Variants in ASAP1 observed in about 807,000 individuals in gnomAD.
ASAP1 encodes ArfGAP with SH3 domain, ankyrin repeat and PH domain 1.
Under a neutral mutation model 145.2 loss-of-function variants are expected in ASAP1, and 43 were observed. The observed-to-expected ratio is 0.30, with a 90% CI of 0.23 to 0.38. The LOEUF (loss-of-function observed/expected upper bound fraction) is 0.38, where lower values mean the gene tolerates loss of function less well. Among genes scored for constraint, ASAP1 ranks in the 10% least tolerant of loss-of-function variants. The pLI is 1.00. For missense variants in ASAP1, 1,018 were observed against 1,355.3 expected, an observed-to-expected ratio of 0.75 and a Z score of 3.91; for synonymous variants, 546 against 515.5, an observed-to-expected ratio of 1.06 and a Z score of -0.80.
At chr8:130,192,666 T>C (rs1815221682) in intron 5 of ASAP1, among the ~76,000 whole-genome samples, 1 of 152,186 alleles carries the variant, frequency 6.6e-6, no homozygotes, top group South Asian at 2.1e-4. Context: ...ATCCTTGCCT[T>C]ATTTTTCTTC....
intron 13 of ASAP1, among the ~76,000 whole-genome samples, chr8:130,144,110 G>GT (rs998705676): frequency 1.8e-4 from 27 of 152,136 alleles, no homozygotes; most frequent in African/African-American, 6.3e-4. Flanking sequence ...TCAATAAATA[G>GT]TTTTTTAGAC....
chr8:130,357,903 G>A (rs1826433558), intron 3 of ASAP1, 114 bp downstream of exon 3: 3 of 1,409,558 alleles, frequency 2.1e-6, no homozygotes, highest in African/African-American at 1.4e-5. Flanking sequence ...GCTCCCTGAG[G>A]GGGTGTGGCG....
chr8:130,331,099 T>C (rs1215696354), intron 3 of ASAP1, among the ~76,000 whole-genome samples: 4 of 152,006 alleles, frequency 2.6e-5, no homozygotes, highest in African/African-American at 7.3e-5. Context: ...AAAGAATAGA[T>C]AGGATATAAA....
chr8:130,322,945 A>G (rs1357081340), intron 3 of ASAP1, among the ~76,000 whole-genome samples: 1 of 152,218 alleles, frequency 6.6e-6, no homozygotes, highest in Non-Finnish European at 1.5e-5. Context: ...CAAAACACCC[A>G]TAGGACCAGT....
intron 2 of ASAP1, among the ~76,000 whole-genome samples, chr8:130,368,453 G>C (rs1289197830): frequency 6.6e-6 from 1 of 152,118 alleles, no homozygotes; most frequent in Non-Finnish European, 1.5e-5. Flanking sequence ...CCTTCTTGTA[G>C]GAACTACTCC....
chr8:130,250,737 CT>C (rs1223512424), intron 3 of ASAP1, among the ~76,000 whole-genome samples: 1 of 151,572 alleles, frequency 6.6e-6, no homozygotes, highest in Non-Finnish European at 1.5e-5. Flanking sequence ...AGAATTGCTT[CT>C]CATAAAAAAA....
intron 9 of ASAP1, among the ~76,000 whole-genome samples, chr8:130,173,890 A>T (rs1473570622): frequency 6.6e-6 from 1 of 151,642 alleles, no homozygotes; most frequent in Non-Finnish European, 1.5e-5. Flanking sequence ...CTGGGCAACA[A>T]GGTAAAACCT....
intron 22 of ASAP1, 78 bp from the exon 23 acceptor site, chr8:130,115,813 C>T: frequency 9.6e-7 from 1 of 1,043,176 alleles, no homozygotes. Flanking sequence ...CTGAGCAAAT[C>T]CCACCTTATT....
Position 130,054,755 on chromosome 8 carries a change from G to T in ASAP1, c.3366C>A (p.Ser1122=), listed in dbSNP as rs748831155. 1.9e-6 allele frequency: 3 copies of T among 1,613,554 alleles called. No homozygotes were observed. The Admixed American group carries it at 5.0e-5, about 27-fold the overall frequency. The change falls in exon 30 of 30, where the codon TCC becomes TCA. Residue 1122 remains serine (S), a synonymous_variant. Coordinates refer to ENST00000518721, the MANE Select transcript of ASAP1 (RefSeq NM_018482.4). ...QPERKGVFPV[S]FVHILSD ...GCTAGTCAGACAGGATATGAACAAA[G>T]GACACTGGAAAGACCCCCTTCCTTT...
At chr8:130,411,078 T>C (rs952361219) in intron 1 of ASAP1, among the ~76,000 whole-genome samples, 4 of 152,180 alleles carry the variant, frequency 2.6e-5, no homozygotes, top group Non-Finnish European at 4.4e-5. Flanking sequence ...CCCAGGCTGG[T>C]CTCGAACTCC....
At chr8:130,355,765 T>A (rs6999216) in intron 3 of ASAP1, among the ~76,000 whole-genome samples, 122,232 of 152,158 alleles carry the variant, frequency 0.8, 49,522 homozygotes, top group African/African-American at 0.9. Context: ...GTGGCTATCC[T>A]TCAGTAAAAA....
chr8:130,206,688 C>T (rs118054603), intron 5 of ASAP1, among the ~76,000 whole-genome samples: 2,590 of 152,276 alleles, frequency 0.017, 36 homozygotes, highest in East Asian at 0.052. Context: ...AGAATACTTC[C>T]GGGTGACTCC....
chr8:130,057,414 T>C (rs1308848287), intron 29 of ASAP1, among the ~76,000 whole-genome samples: 2 of 152,222 alleles, frequency 1.3e-5, no homozygotes, highest in East Asian at 1.9e-4. Flanking sequence ...TACATACAAA[T>C]GTTAATTCTC....
intron 3 of ASAP1, among the ~76,000 whole-genome samples, chr8:130,300,147 CACACACAGAGAGAGAG>C (rs1013919713): frequency 1.0e-5 from 1 of 100,248 alleles, no homozygotes; most frequent in African/African-American, 4.2e-5. Context: ...CACACACACA[CACACACAGAGAGAGAG>C]AGAGAGAGAG....
chr8:130,207,368 T>G (rs1013143031), intron 5 of ASAP1, among the ~76,000 whole-genome samples: 1 of 152,188 alleles, frequency 6.6e-6, no homozygotes, highest in Non-Finnish European at 1.5e-5. Flanking sequence ...ATCTGTTAAG[T>G]ACATGCTACG....
At chr8:130,310,787 C>G (rs545572418) in intron 3 of ASAP1, among the ~76,000 whole-genome samples, 1 of 152,172 alleles carries the variant, frequency 6.6e-6, no homozygotes, top group African/African-American at 2.4e-5. Context: ...CCAAACTTGA[C>G]AGAAAATTTT....
At chr8:130,409,016 C>A (rs537057798) in intron 1 of ASAP1, among the ~76,000 whole-genome samples, 42 of 152,226 alleles carry the variant, frequency 2.8e-4, no homozygotes, top group African/African-American at 7.7e-4. Flanking sequence ...AATCCCAGCA[C>A]TTTGGGAGGC....
At chr8:130,089,335 CT>C (rs1374534714) in intron 25 of ASAP1, among the ~76,000 whole-genome samples, 1 of 152,116 alleles carries the variant, frequency 6.6e-6, no homozygotes, top group East Asian at 1.9e-4. Flanking sequence ...ACATGTTCAG[CT>C]TTGGGGGTGG....
chr8:130,098,847 A>G (rs2097523642), intron 24 of ASAP1, among the ~76,000 whole-genome samples: 1 of 152,190 alleles, frequency 6.6e-6, no homozygotes, highest in Non-Finnish European at 1.5e-5. Flanking sequence ...TGTTAACCAC[A>G]GTCACTCTAC....
Sources: gnomAD v4.1 joint callset for allele counts (sites outside exome capture counted in the v4.1 genomes callset) on GRCh38, gnomAD v4.1.1 for gene constraint, MANE v1.5 for transcripts, NCBI Gene and HGNC (gene_info 2026-07-23, HGNC 2026-07-21) for gene names.